The following MYO18A variants were observed in gnomAD, a reference collection of about 807,000 sequenced individuals.
The protein encoded by MYO18A is myosin XVIIIA, also known as unconventional myosin-XVIIIa.
In MYO18A, 78 loss-of-function variants were observed where a neutral mutation model predicts 235.8. The observed-to-expected ratio is 0.33, with a 90% CI of 0.28 to 0.40. The LOEUF is 0.40. Among genes scored for constraint, MYO18A ranks in the 10% least tolerant of loss-of-function variants. MYO18A has a pLI of 1.00. For missense variants in MYO18A, 2,215 were observed against 2,699.3 expected (o/e 0.82, Z 3.98); for synonymous variants, 977 against 1,077.8 (o/e 0.91, Z 1.83).
Position 29,158,510 on chromosome 17 carries a change from G to A in MYO18A, c.999+7432C>T, listed in dbSNP as rs497726. Among the ~76,000 whole-genome samples the A allele has an allele frequency of 2.0e-5, 3 of 152,298 alleles. No individual in the cohort carries two copies. Among genetic ancestry groups the A allele is most frequent in the East Asian group, 3.9e-4 (2 of 5,168 alleles). ...GGGGCCCTGAAAACTCCGCTCTTTC[G>A]CAGTGGCTGTCTGGCATGGTGGGCG... On this transcript the variant is annotated intron_variant, in intron 2 of 41. Transcript: ENST00000527372. This position sits in a 1 kb window ranked among gnomAD's most constrained non-coding sequence, Gnocchi z 4.3.
At chr17:29,085,459 T>G in intron 40 of MYO18A, 145 bp downstream of exon 40, 1 of 717,418 alleles carries the variant, frequency 1.4e-6, no homozygotes, top group Non-Finnish European at 2.4e-6. Flanking sequence ...AGAGTCAGCA[T>G]GTTAGCGTTA....
In MYO18A at chr17:29,166,412, C is replaced by A; in HGVS notation, c.529G>T (p.Val177Leu). The change falls in exon 2 of 42, where the codon GTG becomes TTG. Residue 177 changes from valine to leucine, a missense_variant. Transcript: ENST00000527372. ...VEVRTLEGQL[V>L]QHPGPGIPRP... ...GGGATGCCTGGGCCAGGATGCTGCACCAGCTGTCCCTCTAGAGTCCTCACC... is the reference window on the plus strand; with the variant it reads ...GGGATGCCTGGGCCAGGATGCTGCAACAGCTGTCCCTCTAGAGTCCTCACC... 1.2e-6 allele frequency: 2 copies of A among 1,613,860 alleles called. No individual in the cohort carries two copies. Among genetic ancestry groups the A allele is most frequent in the Non-Finnish European group, 8.5e-7 (1 of 1,179,908 alleles).
chr17:29,120,789 G>C lies in MYO18A; in HGVS notation c.1586-31C>G. The C allele has an allele frequency of 1.2e-6, 2 of 1,601,610 alleles. No homozygotes were observed. Among genetic ancestry groups the C allele is most frequent in the South Asian group, 2.2e-5 (2 of 89,736 alleles). ...GAATACAGGCCCAAGGGGATATCAG[G>C]AAAGCCAGGGGCAGCTTATCCCCCA... On this transcript the variant is annotated intron_variant, in intron 6 of 41. Transcript: ENST00000527372. The surrounding 1 kb of genome is among the most constrained non-coding windows in gnomAD (Gnocchi z 4.2).
intron 1 of MYO18A, among the ~76,000 whole-genome samples, chr17:29,170,779 G>A (rs1410901233): frequency 4.6e-5 from 7 of 152,202 alleles, no homozygotes; most frequent in Non-Finnish European, 8.8e-5. Flanking sequence ...CTTTAAGAGA[G>A]TAAGCATCCC....
intron 40 of MYO18A, 144 bp from the exon 41 acceptor site, chr17:29,082,582 G>A (rs921251203): frequency 7.7e-6 from 6 of 774,498 alleles, no homozygotes; most frequent in Non-Finnish European, 1.2e-5. Flanking sequence ...GGGAATGAGA[G>A]AGGTTAGACA....
At chr17:29,094,557 G>T in intron 30 of MYO18A, 93 bp downstream of exon 30, 1 of 1,286,566 alleles carries the variant, frequency 7.8e-7, no homozygotes, top group Non-Finnish European at 1.1e-6. Context: ...AATGAATGGA[G>T]GCAGGATCCT....
intron 1 of MYO18A, among the ~76,000 whole-genome samples, chr17:29,171,030 A>C (rs894104305): frequency 1.3e-5 from 2 of 152,184 alleles, no homozygotes; most frequent in Non-Finnish European, 2.9e-5. Context: ...AAACTAACCT[A>C]TGGTGGGGGT....
chr17:29,114,871 A>G (rs778655782), intron 14 of MYO18A, 36 bp downstream of exon 14: 2 of 1,588,934 alleles, frequency 1.3e-6, no homozygotes, highest in East Asian at 4.5e-5. Context: ...CAAGGCCAGA[A>G]TCTGAGGCTA....
chr17:29,095,904 C>T (rs72815778), intron 28 of MYO18A, among the ~76,000 whole-genome samples: 3,727 of 152,014 alleles, frequency 0.025, 71 homozygotes, highest in Non-Finnish European at 0.035. Context: ...GAAGGGGGGT[C>T]GAGCTAAGGG....
chr17:29,122,044 A>C, intron 3 of MYO18A, 87 bp from the exon 4 acceptor site: 1 of 1,505,238 alleles, frequency 6.6e-7, no homozygotes, highest in South Asian at 1.1e-5. Flanking sequence ...CCTCCCCCCC[A>C]CTGCATCACC....
rs56365334 is a variant in MYO18A, at chr17:29,106,385, G to A, written c.3441+695C>T. ...GAGGGGCAGGGGGGCACACACAGAG[G>A]CAGGCTGGGCACTCTGTGGGCTTTC... On this transcript the variant is annotated intron_variant, in intron 20 of 41. Transcript: ENST00000527372. The surrounding 1 kb of genome is among the most constrained non-coding windows in gnomAD (Gnocchi z 4.6). Among the ~76,000 whole-genome samples, 87,530 of 152,020 alleles carry A rather than the reference G, an allele frequency of 0.58. 26,844 individuals are homozygous for A. The highest frequency in any genetic ancestry group is 0.8 in the East Asian group (4,141 of 5,154).
At chr17:29,153,243 T>C (rs4965977) in intron 2 of MYO18A, among the ~76,000 whole-genome samples, 150,490 of 152,288 alleles carry the variant, frequency 0.99, 74,445 homozygotes, top group Middle Eastern at 1. Flanking sequence ...CCTCAGCCTC[T>C]TGAGTAACTG....
chr17:29,147,384 G>T (rs945414352), intron 2 of MYO18A, among the ~76,000 whole-genome samples: 1 of 151,980 alleles, frequency 6.6e-6, no homozygotes, highest in African/African-American at 2.4e-5. Flanking sequence ...GGGTGTGGTG[G>T]TGGCATGCCT....
At chr17:29,103,486 G>A in intron 21 of MYO18A, 113 bp downstream of exon 21, 3 of 1,055,586 alleles carry the variant, frequency 2.8e-6, no homozygotes, top group Non-Finnish European at 2.9e-6. Context: ...GACTCAGAGG[G>A]CACCAGGAGA....
rs1017336249 is a variant in MYO18A at position 29,120,805 on chromosome 17, T to A, written c.1586-47A>T. The A allele has an allele frequency of 6.3e-7, 1 of 1,593,378 alleles. No individual in the cohort carries two copies. The highest frequency in any genetic ancestry group is 2.2e-5 in the East Asian group (1 of 44,684). Reference sequence around the variant, plus strand: ...GGATATCAGGAAAGCCAGGGGCAGCTTATCCCCCAGCTAGGAGCTACCCCA... The same window carrying A: ...GGATATCAGGAAAGCCAGGGGCAGCATATCCCCCAGCTAGGAGCTACCCCA... On this transcript the variant is annotated intron_variant, in intron 6 of 41. Coordinates refer to ENST00000527372, the MANE Select transcript of MYO18A (RefSeq NM_078471.4). The surrounding 1 kb of genome is among the most constrained non-coding windows in gnomAD (Gnocchi z 4.2).
chr17:29,121,275 C>T lies in MYO18A; in HGVS notation c.1372-64G>A. The T allele has an allele frequency of 6.6e-7, 1 of 1,505,266 alleles. No individual in the cohort carries two copies. The highest frequency in any genetic ancestry group is 9.0e-7 in the Non-Finnish European group (1 of 1,108,342). The allele number at this position is 1,505,266 out of a possible 1,614,324, so 93.2% of individuals were successfully genotyped here. A position where few individuals can be genotyped will look rare whatever the true frequency, so the allele number is the denominator to read the frequency against. On this transcript the variant is annotated intron_variant, in intron 5 of 41. Transcript: ENST00000527372. This position sits in a 1 kb window ranked among gnomAD's most constrained non-coding sequence, Gnocchi z 4.2. ...TAGCTGATCCCATTAAGACACCCCT[C>T]ACCCCCAAGGTCCACATCTTTCTGG... is the stretch of plus-strand genomic sequence containing the variant.
intron 30 of MYO18A, 107 bp downstream of exon 30, chr17:29,094,543 C>T (rs774044861): frequency 2.2e-5 from 25 of 1,132,094 alleles, no homozygotes; most frequent in South Asian, 4.1e-5. Flanking sequence ...TGAGTGAATA[C>T]GCGAATGAAT....
intron 1 of MYO18A, among the ~76,000 whole-genome samples, chr17:29,167,275 G>A (rs1392331118): frequency 6.6e-6 from 1 of 152,160 alleles, no homozygotes; most frequent in African/African-American, 2.4e-5. Context: ...ATTCCAAAAA[G>A]GCGGTAAAAG....
intron 1 of MYO18A, among the ~76,000 whole-genome samples, chr17:29,175,644 G>A (rs1812311465): frequency 6.6e-6 from 1 of 151,878 alleles, no homozygotes; most frequent in African/African-American, 2.4e-5. Context: ...GATTACAGGT[G>A]TGAACCACTG....
Sources: allele counts gnomAD v4.1 joint callset (sites outside exome capture counted in the v4.1 genomes callset), GRCh38; gene constraint gnomAD v4.1.1; non-coding constraint Gnocchi (gnomAD v3.1); transcripts MANE v1.5; gene names NCBI Gene and HGNC (gene_info 2026-07-23, HGNC 2026-07-21).